Variants in CACNB3 observed in about 807,000 individuals in gnomAD.
CACNB3 encodes calcium voltage-gated channel auxiliary subunit beta 3.
CACNB3 carries 36 observed loss-of-function variants against 63.7 expected under a neutral mutation model. That is an observed-to-expected ratio of 0.57 (90% CI 0.43 to 0.75). The LOEUF (loss-of-function observed/expected upper bound fraction) is 0.75. CACNB3 is among the 30% of genes least tolerant of loss of function. CACNB3 has a pLI of 0.00. For missense variants in CACNB3, 493 were observed against 648.6 expected, an observed-to-expected ratio of 0.76 and a Z score of 2.61; for synonymous variants, 241 against 250.6, an observed-to-expected ratio of 0.96 and a Z score of 0.36.
In CACNB3 at chr12:48,823,192, C is replaced by T; in HGVS notation, c.46-152C>T. On this transcript the variant is annotated intron_variant, in intron 1 of 12. Coordinates refer to ENST00000301050, the MANE Select transcript of CACNB3 (RefSeq NM_000725.4). The surrounding 1 kb of genome is among the most constrained non-coding windows in gnomAD (Gnocchi z 4.2). ...TAGCCTCAGAGGCACTGGGGCCCTT[C>T]TCAGGGGATAGGAGGGGCCATAGGG... The T allele has an allele frequency of 1.1e-6, 1 of 945,758 alleles. No individual in the cohort carries two copies. Among genetic ancestry groups the T allele is most frequent in the Non-Finnish European group, 1.6e-6 (1 of 638,642 alleles). The allele number at this position is 945,758 out of a possible 1,614,324, so 58.6% of individuals were successfully genotyped here. A position where few individuals can be genotyped will look rare whatever the true frequency, so the allele number is the denominator to read the frequency against.
In CACNB3 at chr12:48,826,233, C is replaced by A; in HGVS notation, c.743-134C>A. ...CCCCTCCTCCTCAATTCCCATTCCT[C>A]TGCCTGTCCAGGCTTCGATGAATGC... On this transcript the variant is annotated intron_variant, in intron 9 of 12. Coordinates refer to ENST00000301050, the MANE Select transcript of CACNB3 (RefSeq NM_000725.4). The surrounding 1 kb of genome is among the most constrained non-coding windows in gnomAD (Gnocchi z 4.8). The A allele has an allele frequency of 1.2e-6, 1 of 837,208 alleles. No homozygotes were observed. Among genetic ancestry groups the A allele is most frequent in the Non-Finnish European group, 1.9e-6 (1 of 529,482 alleles). The allele number at this position is 837,208 out of a possible 1,614,324, so 51.9% of individuals were successfully genotyped here. A position where few individuals can be genotyped will look rare whatever the true frequency, so the allele number is the denominator to read the frequency against.
At chr12:48,822,860 G>A (rs1937925751) in intron 1 of CACNB3, among the ~76,000 whole-genome samples, 1 of 152,136 alleles carries the variant, frequency 6.6e-6, no homozygotes, top group African/African-American at 2.4e-5. Flanking sequence ...TTCAGGACTG[G>A]TGCTGTGCCA....
At position 48,824,740 on chromosome 12, in the gene CACNB3, TC is replaced by T. The variant is rs778256532; in HGVS notation, c.472+13del. ...TCCCCTCCGCCATCTCTAGGTAGCC[TC>T]CCCCCAACCCACCCATTTTGGGTAG... On this transcript the variant is annotated splice_region_variant and intron_variant, in intron 5 of 12. Transcript: ENST00000301050. 1.2e-6 allele frequency: 2 copies of T among 1,611,974 alleles called. No homozygotes were observed.
Position 48,825,705 on chromosome 12 carries a change from A to C in CACNB3, c.678A>C (p.Arg226=), listed in dbSNP as rs1431082773. 3 of 1,614,096 alleles carry C rather than the reference A, an allele frequency of 1.9e-6. No homozygotes were observed. Among genetic ancestry groups the C allele is most frequent in the South Asian group, 2.2e-5 (2 of 91,094 alleles). Residue 226 remains arginine (R), a synonymous_variant, in exon 9 of 13, where the codon CGA becomes CGC. Transcript: ENST00000301050. This position sits in a 1 kb window ranked among gnomAD's most constrained non-coding sequence, Gnocchi z 4.5. The stretch of plus-strand genomic sequence containing the variant: ...CAGCCGACCTCTCCCTGGCAAAGCG[A>C]TCTGTGCTCAACAATCCGGGCAAGA... ...RVTADLSLAK[R]SVLNNPGKRT...
At position 48,823,635 on chromosome 12, in the gene CACNB3, G is replaced by A; in HGVS notation, c.169-46G>A. ...TGTTGGGGCACTGAAGCTGGAAGGG[G>A]TGCTTCGAGCCTTCTCTCACTTGCA... On this transcript the variant is annotated intron_variant, in intron 2 of 12. Coordinates refer to ENST00000301050, the MANE Select transcript of CACNB3 (RefSeq NM_000725.4). The surrounding 1 kb of genome is among the most constrained non-coding windows in gnomAD (Gnocchi z 4.2). The A allele has an allele frequency of 6.2e-7, 1 of 1,613,742 alleles. No homozygotes were observed. The highest frequency in any genetic ancestry group is 8.5e-7 in the Non-Finnish European group (1 of 1,179,790).
intron 4 of CACNB3, 43 bp downstream of exon 4, chr12:48,824,416 T>C (rs546312046): frequency 6.6e-7 from 1 of 1,509,314 alleles, no homozygotes; most frequent in African/African-American, 1.4e-5. Flanking sequence ...CCCAAACACT[T>C]GCACTGTACC....
At position 48,826,250 on chromosome 12, in the gene CACNB3, G is replaced by A. The variant is rs1938132601; in HGVS notation, c.743-117G>A. 3.9e-6 allele frequency: 4 copies of A among 1,026,214 alleles called. No individual in the cohort carries two copies. Among genetic ancestry groups the A allele is most frequent in the African/African-American group, 1.6e-5 (1 of 62,868 alleles). The allele number at this position is 1,026,214 out of a possible 1,614,324, so 63.6% of individuals were successfully genotyped here. ...CCATTCCTCTGCCTGTCCAGGCTTCGATGAATGCCCTTTTCCTCCAATTCC... is the reference window on the plus strand; with the variant it reads ...CCATTCCTCTGCCTGTCCAGGCTTCAATGAATGCCCTTTTCCTCCAATTCC... On this transcript the variant is annotated intron_variant, in intron 9 of 12. Transcript: ENST00000301050. This position sits in a 1 kb window ranked among gnomAD's most constrained non-coding sequence, Gnocchi z 4.8.
upstream of CACNB3, chr12:48,818,018 C>T (rs1179941308): frequency 1.3e-5 from 2 of 152,420 alleles, no homozygotes; most frequent in African/African-American, 4.8e-5. This position sits in a 1 kb window ranked among gnomAD's most constrained non-coding sequence, Gnocchi z 4.3. Flanking sequence ...AAGGGTTGGG[C>T]AACACCGCCT....
rs375078333 is a variant in CACNB3, at chr12:48,825,814, G to C, written c.742+45G>C. 3 of 1,353,104 alleles carry C rather than the reference G, an allele frequency of 2.2e-6. No homozygotes were observed. In the African/African-American group the frequency reaches 4.3e-5, roughly 19 times the overall value. The allele number at this position is 1,353,104 out of a possible 1,614,324, so 83.8% of individuals were successfully genotyped here. A position where few individuals can be genotyped will look rare whatever the true frequency, so the allele number is the denominator to read the frequency against. On this transcript the variant is annotated intron_variant, in intron 9 of 12. Coordinates refer to ENST00000301050, the MANE Select transcript of CACNB3 (RefSeq NM_000725.4). This position sits in a 1 kb window ranked among gnomAD's most constrained non-coding sequence, Gnocchi z 4.5. ...TGCTTCTGTGCCCACTCAAGTGCCA[G>C]TGAGAACCTTCCTCCTCCCTTTTCT...
chr12:48,827,727 A>T lies in CACNB3; in HGVS notation c.1283A>T (p.Asp428Val). 1 of 1,614,146 alleles carries T rather than the reference A, an allele frequency of 6.2e-7. No homozygotes were observed. The change falls in exon 13 of 13, where the codon GAC becomes GTC. Residue 428 changes from aspartate to valine, a missense_variant. Physicochemically the swap from Asp to Val is radical, Grantham distance 152. Transcript: ENST00000301050. ...SQRSSRHLEEDYADAYQDLYQ... is the reference protein window; with the variant it reads ...SQRSSRHLEEVYADAYQDLYQ... Reference sequence around the variant, plus strand: ...CGTAGCTCCCGCCACCTGGAGGAGGACTATGCAGATGCCTACCAGGACCTG... The same window carrying T: ...CGTAGCTCCCGCCACCTGGAGGAGGTCTATGCAGATGCCTACCAGGACCTG...
Position 48,827,569 on chromosome 12 carries a change from G to A in CACNB3, c.1141-16G>A, listed in dbSNP as rs1377574475. 5 of 1,608,666 alleles carry A rather than the reference G, an allele frequency of 3.1e-6. No homozygotes were observed. The highest frequency in any genetic ancestry group is 4.2e-6 in the Non-Finnish European group (5 of 1,177,412). ...GGTCTGTACTGCCTCACTGAGAGCT[G>A]TTGTATGGCCCCCAGAACCAGCAGC... On this transcript the variant is annotated splice_polypyrimidine_tract_variant and intron_variant, in intron 12 of 12. Coordinates refer to ENST00000301050, the MANE Select transcript of CACNB3 (RefSeq NM_000725.4).
At chr12:48,819,048 T>C (rs1937700752) in intron 1 of CACNB3, 74 bp downstream of exon 1, 6 of 1,504,828 alleles carry the variant, frequency 4.0e-6, no homozygotes, top group Middle Eastern at 1.7e-4. Context: ...CTTTCCCCGG[T>C]TCAGGACTTT....
upstream of CACNB3, chr12:48,818,281 C>A: frequency 6.0e-6 from 1 of 167,910 alleles, no homozygotes; most frequent in Non-Finnish European, 1.2e-5. The surrounding 1 kb of genome is among the most constrained non-coding windows in gnomAD (Gnocchi z 4.3). Flanking sequence ...CGTCCTCCCT[C>A]TGCCTCTCTC....
In CACNB3 at chr12:48,826,941, A is replaced by G. The variant is rs754216553; in HGVS notation, c.991-33A>G. Reference sequence around the variant, plus strand: ...TGGGTGGGGGGCTGCTACTGAGGGGAAACCAACGTTGCGCCTTCCTCCCCC... The same window carrying G: ...TGGGTGGGGGGCTGCTACTGAGGGGGAACCAACGTTGCGCCTTCCTCCCCC... On this transcript the variant is annotated intron_variant, in intron 11 of 12. Coordinates refer to ENST00000301050, the MANE Select transcript of CACNB3 (RefSeq NM_000725.4). This position sits in a 1 kb window ranked among gnomAD's most constrained non-coding sequence, Gnocchi z 4.8. 2.2e-5 allele frequency: 36 copies of G among 1,609,208 alleles called. No individual in the cohort carries two copies. The Admixed American group carries it at 6.0e-4, about 27-fold the overall frequency.
rs1228666043 is a variant in CACNB3, at chr12:48,823,814, C to A, written c.291+11C>A. The A allele has an allele frequency of 6.2e-7, 1 of 1,613,756 alleles. No homozygotes were observed. Among genetic ancestry groups the A allele is most frequent in the Non-Finnish European group, 8.5e-7 (1 of 1,179,874 alleles). On this transcript the variant is annotated intron_variant, in intron 3 of 12. Transcript: ENST00000301050. The surrounding 1 kb of genome is among the most constrained non-coding windows in gnomAD (Gnocchi z 4.2). Reference sequence around the variant, plus strand: ...CTGCACATTAAAGAGGTGATCGACCCCCCTACTTCCAGAAGCCTCTAACTT... The same window carrying A: ...CTGCACATTAAAGAGGTGATCGACCACCCTACTTCCAGAAGCCTCTAACTT...
In CACNB3 at chr12:48,826,485, C is replaced by T. The variant is rs376907414; in HGVS notation, c.861C>T (p.Pro287=). The change falls in exon 10 of 13, where the codon CCC becomes CCT. Residue 287 remains proline (P), a synonymous_variant. Coordinates refer to ENST00000301050, the MANE Select transcript of CACNB3 (RefSeq NM_000725.4). This position sits in a 1 kb window ranked among gnomAD's most constrained non-coding sequence, Gnocchi z 4.8. ...PAQLAKTSLA[P]IIVFVKVSSP... ...AGCTGGCCAAGACCTCGCTGGCCCCCATCATCGTCTTTGTCAAAGTGTCCT... is the reference window on the plus strand; with the variant it reads ...AGCTGGCCAAGACCTCGCTGGCCCCTATCATCGTCTTTGTCAAAGTGTCCT... The T allele has an allele frequency of 6.2e-7, 1 of 1,614,148 alleles. No homozygotes were observed. Among genetic ancestry groups the T allele is most frequent in the Non-Finnish European group, 8.5e-7 (1 of 1,180,008 alleles).
At chr12:48,821,932 G>T (rs756051155) in intron 1 of CACNB3, among the ~76,000 whole-genome samples, 1 of 152,158 alleles carries the variant, frequency 6.6e-6, no homozygotes, top group Non-Finnish European at 1.5e-5. Context: ...CGAGAGCCTG[G>T]GCTGACCCCT....
At chr12:48,822,835 G>A (rs1032306599) in intron 1 of CACNB3, among the ~76,000 whole-genome samples, 9 of 152,144 alleles carry the variant, frequency 5.9e-5, no homozygotes, top group Non-Finnish European at 1.3e-4. Flanking sequence ...GGGGGCAGAT[G>A]GCTGGATCCC....
At chr12:48,814,576 G>T (rs1442907370), upstream of CACNB3, 1 of 1,506,978 alleles carries the variant, frequency 6.6e-7, no homozygotes, top group South Asian at 1.2e-5. This position sits in a 1 kb window ranked among gnomAD's most constrained non-coding sequence, Gnocchi z 6.9. Flanking sequence ...TAGGGTCCCG[G>T]AAGGGCGCGG....
Sources: allele counts gnomAD v4.1 joint callset (sites outside exome capture counted in the v4.1 genomes callset), GRCh38; gene constraint gnomAD v4.1.1; non-coding constraint Gnocchi (gnomAD v3.1); transcripts MANE v1.5; gene names NCBI Gene and HGNC (gene_info 2026-07-23, HGNC 2026-07-21).